The following LRGUK variants were observed in gnomAD, a reference collection of about 807,000 sequenced individuals.
LRGUK encodes the protein leucine-rich repeat and guanylate kinase domain-containing protein.
LRGUK carries 65 observed loss-of-function variants against 76.0 expected under a neutral mutation model. That is an observed-to-expected ratio of 0.85 (90% CI 0.70 to 1.05). LRGUK has a LOEUF of 1.05. Ranked by LOEUF, LRGUK falls within the 50% of genes least tolerant of loss-of-function variation. LRGUK has a pLI of 0.00. For missense variants in LRGUK, 758 were observed against 732.8 expected (o/e 1.03, Z -0.40); for synonymous variants, 268 against 265.6 (o/e 1.01, Z -0.09).
At chr7:134,256,160 T>G (rs1261497192) in intron 18 of LRGUK, among the ~76,000 whole-genome samples, 1 of 152,012 alleles carries the variant, frequency 6.6e-6, no homozygotes, top group Admixed American at 6.6e-5. Context: ...AACCTTCCCT[T>G]AAAAAGTCTA....
chr7:134,270,824 G>A, the LRGUK span, among the ~76,000 whole-genome samples: 1 of 152,042 alleles, frequency 6.6e-6, no homozygotes, highest in Admixed American at 6.6e-5. Context: ...TACAAAGGAT[G>A]CAGCTAAAAA....
At chr7:134,225,419 C>T (rs899893789) in intron 16 of LRGUK, among the ~76,000 whole-genome samples, 1 of 152,138 alleles carries the variant, frequency 6.6e-6, no homozygotes, top group African/African-American at 2.4e-5. Flanking sequence ...CATCTAGAAC[C>T]CAGTGTGGAG....
chr7:134,208,620 C>G (rs1801103792), intron 15 of LRGUK: 1 of 397,694 alleles, frequency 2.5e-6, no homozygotes, highest in South Asian at 1.4e-4. Flanking sequence ...CTATGTGCAT[C>G]TAACAGGGGA....
At chr7:134,199,382 C>G (rs373471331) in exon 14 of LRGUK, 1 of 1,613,480 alleles carries the variant, frequency 6.2e-7, no homozygotes, top group African/African-American at 1.3e-5. Flanking sequence ...TAAAATTAAT[C>G]AGAATTTTCC....
Position 134,159,002 on chromosome 7 carries a change from A to T in LRGUK, c.795+843A>T, listed in dbSNP as rs570945869. ...GAGGCTTGTAGCTTGTAAATTTCTT[A>T]CAAGAACTATCCCACAGGGGGTTGT... On this transcript the variant is annotated intron_variant, in intron 6 of 15. Transcript: ENST00000645682. Among the ~76,000 whole-genome samples the T allele has an allele frequency of 2.6e-5, 4 of 152,182 alleles. No individual in the cohort carries two copies. In the East Asian group the frequency reaches 7.7e-4, roughly 29 times the overall value.
At chr7:134,173,139 A>C (rs1339436749) in intron 7 of LRGUK, among the ~76,000 whole-genome samples, 2 of 152,276 alleles carry the variant, frequency 1.3e-5, no homozygotes, top group Non-Finnish European at 2.9e-5. Flanking sequence ...TCCAAATGGC[A>C]GACTGATGGA....
At chr7:134,154,218 A>G (rs1798363460) in intron 5 of LRGUK, among the ~76,000 whole-genome samples, 1 of 152,240 alleles carries the variant, frequency 6.6e-6, no homozygotes, top group East Asian at 1.9e-4. Context: ...TAAAATTAAA[A>G]TATACGTAAG....
rs1799801631 is a variant in LRGUK, at chr7:134,182,594, T to G, written c.1215-1140T>G. 2.0e-5 allele frequency among the ~76,000 whole-genome samples: 3 copies of G among 152,156 alleles called. No homozygotes were observed. The South Asian group carries it at 6.2e-4, about 32-fold the overall frequency. ...TGAAAAACTATGCTGTTTCATTGTTTCCACAGACTCTTCTCAGAATCTACA... is the reference window on the plus strand; with the variant it reads ...TGAAAAACTATGCTGTTTCATTGTTGCCACAGACTCTTCTCAGAATCTACA... On this transcript the variant is annotated intron_variant, in intron 10 of 15. Coordinates refer to ENST00000645682, the Ensembl canonical transcript of LRGUK.
chr7:134,137,196 T>G, intron 2 of LRGUK, 66 bp downstream of exon 2: 1 of 1,162,300 alleles, frequency 8.6e-7, no homozygotes, highest in South Asian at 1.3e-5. Flanking sequence ...ATTCATTTTC[T>G]TCAGTACTCT....
In LRGUK at chr7:134,185,894, A is replaced by G. The variant is rs532129755; in HGVS notation, c.1334+2041A>G. On this transcript the variant is annotated intron_variant, in intron 11 of 15. Coordinates refer to ENST00000645682, the Ensembl canonical transcript of LRGUK. ...AAAAATTTATTAATACATTTTAGAC[A>G]CCCGAAGTAACAAAAATAAATTAAA... Among the ~76,000 whole-genome samples the G allele has an allele frequency of 2.4e-4, 37 of 152,314 alleles. No individual in the cohort carries two copies. The South Asian group carries it at 3.1e-3, about 13-fold the overall frequency.
chr7:134,144,487 G>A (rs1340825452), intron 4 of LRGUK, among the ~76,000 whole-genome samples: 2 of 152,110 alleles, frequency 1.3e-5, no homozygotes, highest in East Asian at 1.9e-4. Flanking sequence ...TGACAAATCT[G>A]GAAACGATCA....
intron 4 of LRGUK, among the ~76,000 whole-genome samples, chr7:134,145,655 C>G (rs564855025): frequency 5.3e-5 from 8 of 152,338 alleles, no homozygotes; most frequent in African/African-American, 1.9e-4. Context: ...TTCACCTTTG[C>G]TGGGAGGCAG....
chr7:134,204,108 G>GTAC (rs1443452453), intron 15 of LRGUK, among the ~76,000 whole-genome samples: 1 of 140,846 alleles, frequency 7.1e-6, no homozygotes, highest in African/African-American at 2.9e-5. Flanking sequence ...GACCAGCTCT[G>GTAC]AGTAACTGAG....
chr7:134,243,148 C>T (rs531960779), intron 16 of LRGUK, among the ~76,000 whole-genome samples: 2 of 152,194 alleles, frequency 1.3e-5, no homozygotes, highest in African/African-American at 4.8e-5. Context: ...TGGAATAAGA[C>T]AGGGATGCCC....
chr7:134,165,539 A>G (rs1039727363), intron 7 of LRGUK, among the ~76,000 whole-genome samples: 5 of 152,242 alleles, frequency 3.3e-5, no homozygotes, highest in Non-Finnish European at 5.9e-5. Context: ...CACAGTAAAA[A>G]GATGCAAAGA....
chr7:134,208,528 G>A (rs1801100441), intron 15 of LRGUK, among the ~76,000 whole-genome samples: 1 of 152,198 alleles, frequency 6.6e-6, no homozygotes, highest in South Asian at 2.1e-4. Context: ...CACTAAATGA[G>A]AGAATTATAG....
intron 16 of LRGUK, among the ~76,000 whole-genome samples, chr7:134,224,757 A>T (rs1801691788): frequency 6.6e-6 from 1 of 152,194 alleles, no homozygotes. Context: ...GCCTAATTAA[A>T]GAGAGTGCTG....
At chr7:134,138,991 G>T (rs750173374) in intron 2 of LRGUK, among the ~76,000 whole-genome samples, 8 of 143,596 alleles carry the variant, frequency 5.6e-5, no homozygotes, top group Non-Finnish European at 1.2e-4. Context: ...AAAATGAAAA[G>T]GTGAAAGTGT....
At chr7:134,272,545 A>T in the LRGUK span, among the ~76,000 whole-genome samples, 2 of 152,210 alleles carry the variant, frequency 1.3e-5, no homozygotes, top group Non-Finnish European at 2.9e-5. Flanking sequence ...TTATAATCAG[A>T]CAAAGTAGAA....
Sources: allele counts gnomAD v4.1 joint callset (sites outside exome capture counted in the v4.1 genomes callset), GRCh38; gene constraint gnomAD v4.1.1; transcripts MANE v1.5; gene names NCBI Gene and HGNC (gene_info 2026-07-23, HGNC 2026-07-21).